The following PREP variants were observed in gnomAD, a reference collection of about 807,000 sequenced individuals.
PREP encodes prolyl endopeptidase, also known as dJ355L5.1 (prolyl endopeptidase).
In PREP, 29 loss-of-function variants were observed where a neutral mutation model predicts 87.6. The ratio of observed to expected loss-of-function variants is 0.33; its 90% confidence interval spans 0.25 to 0.45. PREP has a LOEUF of 0.45. Among genes scored for constraint, PREP ranks in the 20% least tolerant of loss-of-function variants. The pLI is 1.00. For missense variants in PREP, 695 were observed against 886.5 expected, an observed-to-expected ratio of 0.78 and a Z score of 2.74; for synonymous variants, 337 against 328.6, an observed-to-expected ratio of 1.03 and a Z score of -0.28.
At chr6:105,336,247 G>A (rs530300559) in intron 7 of PREP, among the ~76,000 whole-genome samples, 11 of 152,330 alleles carry the variant, frequency 7.2e-5, no homozygotes, top group African/African-American at 2.4e-4. Context: ...GCGACAGAAC[G>A]AGACCCTGTC....
Position 105,352,988 on chromosome 6 carries a change from T to C in PREP, c.807A>G (p.Glu269=), listed in dbSNP as rs1163713592. The C allele has an allele frequency of 1.2e-6, 2 of 1,613,510 alleles. No homozygotes were observed. Among genetic ancestry groups the C allele is most frequent in the Admixed American group, 1.7e-5 (1 of 60,004 alleles). The change falls in exon 7 of 15, where the codon GAA becomes GAG. Residue 269 remains glutamate (E), a synonymous_variant. Transcript: ENST00000652536. ...ATAACTCACCCGCGATGCCACTGGA[T>C]TCCTGCTGTAGGTCACAGTACCAGA... ...NRLWYCDLQQ[E]SSGIAGILKW... is the part of the protein sequence containing the mutation.
intron 8 of PREP, among the ~76,000 whole-genome samples, chr6:105,329,401 C>T (rs1000829584): frequency 5.9e-5 from 9 of 152,184 alleles, no homozygotes; most frequent in African/African-American, 2.2e-4. Context: ...GATCTGCCCA[C>T]CTCGGCCTCC....
At chr6:105,368,432 A>G (rs1201554754) in intron 6 of PREP, among the ~76,000 whole-genome samples, 1 of 152,190 alleles carries the variant, frequency 6.6e-6, no homozygotes, top group Non-Finnish European at 1.5e-5. Flanking sequence ...TTGATGAGAA[A>G]ATGTATAAAA....
chr6:105,322,515 A>G (rs991538161), intron 10 of PREP: 29 of 985,656 alleles, frequency 2.9e-5, no homozygotes, highest in Non-Finnish European at 3.5e-5. Flanking sequence ...ATGTCTATCA[A>G]GAATGTTGTA....
chr6:105,390,620 A>G (rs1049720163), intron 2 of PREP, among the ~76,000 whole-genome samples: 1 of 152,234 alleles, frequency 6.6e-6, no homozygotes, highest in Non-Finnish European at 1.5e-5. Flanking sequence ...TTCTTCAGCA[A>G]CTCAGTAACA....
intron 11 of PREP, among the ~76,000 whole-genome samples, chr6:105,286,011 A>G (rs58889054): frequency 0.028 from 4,287 of 152,270 alleles, 200 homozygotes; most frequent in African/African-American, 0.089. Flanking sequence ...CCTGACCTCA[A>G]GTGATCCGCC....
intron 9 of PREP, 104 bp downstream of exon 9, chr6:105,328,725 A>G (rs1355974344): frequency 5.7e-6 from 7 of 1,224,138 alleles, no homozygotes; most frequent in Non-Finnish European, 8.2e-6. Flanking sequence ...ATAATACAGC[A>G]TATGTGATTT....
chr6:105,402,748 G>A, intron 1 of PREP, 99 bp downstream of exon 1: 7 of 1,139,566 alleles, frequency 6.1e-6, no homozygotes, highest in Admixed American at 2.4e-5. Flanking sequence ...GGGACGCGGG[G>A]GTCGAAGGCC....
Position 105,387,629 on chromosome 6 carries a change from GA to G in PREP, c.121-10111del, listed in dbSNP as rs771319236. 4.7e-5 allele frequency among the ~76,000 whole-genome samples: 6 copies of G among 127,908 alleles called. No homozygotes were observed. In the South Asian group the frequency reaches 1.5e-3, roughly 32 times the overall value. 83.9% of individuals were successfully genotyped at this position (127,908 alleles called of 152,430 possible). On this transcript the variant is annotated intron_variant, in intron 2 of 14. Transcript: ENST00000652536. ...AGCTAAAAAAAAAAAAAGAAAAAAA[GA>G]AAAAAAGAAAAAGAAAAAGAAAGAA...
chr6:105,339,919 G>A (rs1771591733), intron 7 of PREP, among the ~76,000 whole-genome samples: 1 of 152,170 alleles, frequency 6.6e-6, no homozygotes. Context: ...GATTTTTCAC[G>A]TGTACCAGAA....
intron 10 of PREP, among the ~76,000 whole-genome samples, chr6:105,305,844 C>CT (rs35115122): frequency 0.74 from 108,202 of 145,694 alleles, 41,323 homozygotes; most frequent in East Asian, 0.92. Flanking sequence ...ATATCCTTTT[C>CT]TTTTTTTTTT....
chr6:105,398,891 T>C (rs1773352056), intron 1 of PREP, among the ~76,000 whole-genome samples: 1 of 152,116 alleles, frequency 6.6e-6, no homozygotes, highest in African/African-American at 2.4e-5. Context: ...GCGGATCACT[T>C]GAGGTCAGGA....
At position 105,288,860 on chromosome 6, in the gene PREP, G is replaced by T; in HGVS notation, c.1352C>A (p.Pro451Gln). The T allele has an allele frequency of 6.2e-7, 1 of 1,613,328 alleles. No individual in the cohort carries two copies. Among genetic ancestry groups the T allele is most frequent in the Non-Finnish European group, 8.5e-7 (1 of 1,179,348 alleles). The change falls in exon 11 of 15, where the codon CCA becomes CAA. Residue 451 changes from proline (P) to glutamine (Q), a missense_variant. Around this residue, in one of 5 missense-constraint regions of PREP, gnomAD observed 517 missense variants for 620.3 expected, o/e 0.83. Transcript: ENST00000652536. ...GCCTTTTTTATGCACAATGAACATT[G>T]GAATCTTCGTACCATCCTTGCTAGG... ...FYPSKDGTKIPMFIVHKKGIK... is the reference protein window; with the variant it reads ...FYPSKDGTKIQMFIVHKKGIK...
chr6:105,367,040 T>A (rs1336123130), intron 6 of PREP, among the ~76,000 whole-genome samples: 1 of 152,198 alleles, frequency 6.6e-6, no homozygotes, highest in East Asian at 1.9e-4. Context: ...TACAACAATG[T>A]CAATGAACTT....
intron 1 of PREP, 68 bp downstream of exon 1, chr6:105,402,779 G>T: frequency 1.4e-6 from 2 of 1,407,846 alleles, no homozygotes; most frequent in Non-Finnish European, 1.9e-6. Context: ...GGAGCTGCGG[G>T]TGCCACGGGT....
rs200913492 is a variant in PREP, at chr6:105,277,922, C to A, written c.*222G>T. 267 of 624,696 alleles carry A rather than the reference C, an allele frequency of 4.3e-4. 2 individuals carry two copies. In the East Asian group the frequency reaches 7.3e-3, roughly 17 times the overall value. 38.7% of individuals were successfully genotyped at this position (624,696 alleles called of 1,614,324 possible). ...TGCCCTTAAAAAAAACACCAAAAAA[C>A]CACATGTGCCTAGACAGGGTGGAAA... On this transcript the variant is annotated 3_prime_UTR_variant, in exon 15 of 15. Coordinates refer to ENST00000652536, the MANE Select transcript of PREP (RefSeq NM_002726.5).
At chr6:105,364,685 T>A (rs1311438466) in intron 6 of PREP, among the ~76,000 whole-genome samples, 2 of 152,146 alleles carry the variant, frequency 1.3e-5, no homozygotes, top group Non-Finnish European at 2.9e-5. Context: ...CTCCGTCCAG[T>A]TTCAGAGCTG....
At chr6:105,301,366 C>G (rs1770535379) in intron 10 of PREP, among the ~76,000 whole-genome samples, 1 of 152,218 alleles carries the variant, frequency 6.6e-6, no homozygotes, top group East Asian at 1.9e-4. Flanking sequence ...CCACAGGCAG[C>G]ATGCAGAGGA....
At chr6:105,392,996 T>A (rs927828441) in intron 2 of PREP, among the ~76,000 whole-genome samples, 4 of 152,212 alleles carry the variant, frequency 2.6e-5, no homozygotes, top group African/African-American at 9.7e-5. Context: ...TGCCAGTGAG[T>A]CTATCATCTT....
Sources: allele counts gnomAD v4.1 joint callset (sites outside exome capture counted in the v4.1 genomes callset), GRCh38; gene constraint gnomAD v4.1.1; regional missense constraint gnomAD v4.1.1; transcripts MANE v1.5; gene names NCBI Gene and HGNC (gene_info 2026-07-23, HGNC 2026-07-21).